Variants in CSMD1 observed in about 807,000 individuals in gnomAD.
The protein encoded by CSMD1 is CUB and sushi domain-containing protein 1.
Under a neutral mutation model 417.5 loss-of-function variants are expected in CSMD1, and 213 were observed. That is an observed-to-expected ratio of 0.51 (90% CI 0.46 to 0.57). The LOEUF (loss-of-function observed/expected upper bound fraction) is 0.57, where lower values mean the gene tolerates loss of function less well. CSMD1 is among the 20% of genes least tolerant of loss of function. The pLI is 0.00. For missense variants in CSMD1, 6,923 were observed against 4,529.7 expected (o/e 1.53, Z -15.17); for synonymous variants, 2,862 against 1,736.8 (o/e 1.65, Z -16.11).
chr8:4,090,980 G>T (rs1391976880), intron 3 of CSMD1, among the ~76,000 whole-genome samples: 1 of 151,200 alleles, frequency 6.6e-6, no homozygotes, highest in Non-Finnish European at 1.5e-5. Flanking sequence ...GTGCAGCGGT[G>T]CAATCCTGGC....
intron 5 of CSMD1, among the ~76,000 whole-genome samples, chr8:3,883,235 C>G (rs564132941): frequency 2.2e-3 from 333 of 152,176 alleles, no homozygotes; most frequent in African/African-American, 7.9e-3. Context: ...TTCATTTGAC[C>G]TGTAATTTTC....
chr8:3,879,811 T>C (rs756169991), intron 5 of CSMD1, among the ~76,000 whole-genome samples: 8 of 148,064 alleles, frequency 5.4e-5, no homozygotes, highest in South Asian at 2.1e-4. Context: ...ATTTCGTGTA[T>C]AGAGTGTGTA....
intron 7 of CSMD1, among the ~76,000 whole-genome samples, chr8:3,692,780 C>A (rs1364838544): frequency 6.6e-6 from 1 of 152,122 alleles, no homozygotes; most frequent in South Asian, 2.1e-4. Flanking sequence ...GTGCCTTTTA[C>A]TATAGGCTAT....
At chr8:4,702,323 G>C (rs1025258126) in intron 1 of CSMD1, among the ~76,000 whole-genome samples, 3 of 152,268 alleles carry the variant, frequency 2.0e-5, no homozygotes, top group South Asian at 2.1e-4. Context: ...ATGGGCCTCT[G>C]ACTGGATTAG....
chr8:3,100,909 T>C (rs934651586), intron 46 of CSMD1, among the ~76,000 whole-genome samples: 2 of 152,118 alleles, frequency 1.3e-5, no homozygotes, highest in African/African-American at 4.8e-5. Flanking sequence ...CCCAGAGCCC[T>C]TGTGATGCCT....
At position 3,878,076 on chromosome 8, in the gene CSMD1, G is replaced by C. The variant is rs549634703; in HGVS notation, c.818+119827C>G. Among the ~76,000 whole-genome samples, 8 of 152,028 alleles carry C rather than the reference G, an allele frequency of 5.3e-5. No individual in the cohort carries two copies. The East Asian group carries it at 1.4e-3, about 26-fold the overall frequency. On this transcript the variant is annotated intron_variant, in intron 5 of 69. Coordinates refer to ENST00000635120, the MANE Select transcript of CSMD1 (RefSeq NM_033225.6). Reference sequence around the variant, plus strand: ...TATTCATGCTGGGTGGTCATGCATTGAACATTTGCTATCAGCTTCTGCCTG... The same window carrying C: ...TATTCATGCTGGGTGGTCATGCATTCAACATTTGCTATCAGCTTCTGCCTG...
chr8:4,880,603 G>A (rs894293705), intron 1 of CSMD1, among the ~76,000 whole-genome samples: 1 of 151,954 alleles, frequency 6.6e-6, no homozygotes, highest in African/African-American at 2.4e-5. Context: ...AGCCCACATT[G>A]CCTCTATTGG....
chr8:4,761,890 C>CTATCTATCTATCTAT (rs1563319356), intron 1 of CSMD1, among the ~76,000 whole-genome samples: 1 of 93,604 alleles, frequency 1.1e-5, no homozygotes, highest in African/African-American at 3.9e-5. Flanking sequence ...TATCTATCTA[C>CTATCTATCTATCTAT]CTACCTATCT....
At chr8:4,795,252 CTTTTTTTTTTTTTTTTTTTTTTTTT>C (rs571984359) in intron 1 of CSMD1, among the ~76,000 whole-genome samples, 5 of 46,252 alleles carry the variant, frequency 1.1e-4, no homozygotes, top group African/African-American at 3.6e-4. Context: ...GGTGTCATAG[CTTTTTTTTTTTTTTTTTTTTTTTTT>C]TTTTTTTTTT....
chr8:4,674,700 G>C lies in CSMD1; in HGVS notation c.86-37142C>G, dbSNP rs138180168. 1.9e-3 allele frequency among the ~76,000 whole-genome samples: 282 copies of C among 152,292 alleles called. 1 individual carries two copies. The highest frequency in any genetic ancestry group is 6.5e-3 in the African/African-American group (271 of 41,564). ...AAAAACAAACCCTAATATATGGAAT[G>C]TAGAAGAGAGTAGTGCAAATACATA... is the stretch of plus-strand genomic sequence containing the variant. On this transcript the variant is annotated intron_variant, in intron 1 of 69. Coordinates refer to ENST00000635120, the MANE Select transcript of CSMD1 (RefSeq NM_033225.6).
rs979334457 is a variant in CSMD1 at position 3,674,900 on chromosome 8, C to A, written c.1009+33514G>T. Reference sequence around the variant, plus strand: ...TGGACAACGTAAGACTTGTTTATATCCTGGAAGATAATGAACTTATGCAAC... The same window carrying A: ...TGGACAACGTAAGACTTGTTTATATACTGGAAGATAATGAACTTATGCAAC... On this transcript the variant is annotated intron_variant, in intron 7 of 69. Transcript: ENST00000635120. 2.6e-5 allele frequency among the ~76,000 whole-genome samples: 4 copies of A among 152,250 alleles called. No homozygotes were observed. The East Asian group carries it at 5.8e-4, about 22-fold the overall frequency.
intron 3 of CSMD1, among the ~76,000 whole-genome samples, chr8:4,041,253 G>A (rs975059512): frequency 7.2e-5 from 11 of 151,866 alleles, no homozygotes; most frequent in South Asian, 4.2e-4. Flanking sequence ...TCCTGACCTC[G>A]TGATCCGCCC....
chr8:4,398,293 G>T (rs117340879), intron 3 of CSMD1, among the ~76,000 whole-genome samples: 1 of 151,734 alleles, frequency 6.6e-6, no homozygotes, highest in African/African-American at 2.4e-5. Context: ...GTGGACAATC[G>T]TCTCTACTCT....
rs577958517 is a variant in CSMD1 at position 3,473,374 on chromosome 8, T to A, written c.1449-4550A>T. On this transcript the variant is annotated intron_variant, in intron 11 of 69. Coordinates refer to ENST00000635120, the MANE Select transcript of CSMD1 (RefSeq NM_033225.6). ...GAGAAGAACTGTAATTACAGCTTAT[T>A]ATAGTTATTTTAAAGCTGATTAACT... 2.1e-3 allele frequency among the ~76,000 whole-genome samples: 323 copies of A among 152,288 alleles called. 1 individual carries two copies. Among genetic ancestry groups the A allele is most frequent in the African/African-American group, 7.3e-3 (305 of 41,574 alleles).
At chr8:3,594,535 T>G (rs1801003788) in intron 8 of CSMD1, among the ~76,000 whole-genome samples, 1 of 152,184 alleles carries the variant, frequency 6.6e-6, no homozygotes, top group Non-Finnish European at 1.5e-5. Flanking sequence ...CCAGGAATGT[T>G]TTTCAAAGGT....
intron 11 of CSMD1, among the ~76,000 whole-genome samples, chr8:3,490,473 C>T (rs1238051591): frequency 6.6e-6 from 1 of 152,124 alleles, no homozygotes; most frequent in Non-Finnish European, 1.5e-5. Flanking sequence ...AACAATTTTT[C>T]TCATTTATTT....
chr8:4,760,031 G>C (rs1018350758), intron 1 of CSMD1, among the ~76,000 whole-genome samples: 2 of 152,176 alleles, frequency 1.3e-5, no homozygotes, highest in African/African-American at 2.4e-5. Context: ...TCCACCAACA[G>C]TGTAAAAGTC....
chr8:3,675,086 A>T (rs1047428219), intron 7 of CSMD1, among the ~76,000 whole-genome samples: 1 of 152,140 alleles, frequency 6.6e-6, no homozygotes, highest in Non-Finnish European at 1.5e-5. Context: ...GTCGACCATA[A>T]AACGCCATCT....
chr8:3,127,525 A>G (rs529928580), intron 41 of CSMD1: 2 of 152,328 alleles, frequency 1.3e-5, no homozygotes, highest in South Asian at 4.1e-4. Context: ...AAGGGGAAAA[A>G]TTGGTATAAC....
Sources: allele counts gnomAD v4.1 joint callset (sites outside exome capture counted in the v4.1 genomes callset), GRCh38; gene constraint gnomAD v4.1.1; transcripts MANE v1.5; gene names NCBI Gene and HGNC (gene_info 2026-07-23, HGNC 2026-07-21).